The following KLHL3 variants were observed in gnomAD, a reference collection of about 807,000 sequenced individuals.
The protein encoded by KLHL3 is kelch like family member 3, also known as kelch-like protein 3.
KLHL3 carries 19 observed loss-of-function variants against 70.5 expected under a neutral mutation model. That is an observed-to-expected ratio of 0.27 (90% CI 0.19 to 0.40). The LOEUF is 0.40. KLHL3 is among the 10% of genes least tolerant of loss of function. KLHL3 has a pLI of 1.00. For missense variants in KLHL3, 512 were observed against 771.1 expected, an observed-to-expected ratio of 0.66 and a Z score of 3.98; for synonymous variants, 258 against 290.3, an observed-to-expected ratio of 0.89 and a Z score of 1.13.
intron 3 of KLHL3, among the ~76,000 whole-genome samples, chr5:137,702,790 C>G (rs1752597518): frequency 6.6e-6 from 1 of 152,094 alleles, no homozygotes; most frequent in African/African-American, 2.4e-5. Flanking sequence ...ATACGTAGAC[C>G]ATTAGGGCCT....
intron 5 of KLHL3, among the ~76,000 whole-genome samples, chr5:137,691,014 T>G (rs1752307886): frequency 6.6e-6 from 1 of 152,214 alleles, no homozygotes. Context: ...GCAATGAAGA[T>G]TTCTTTCCAG....
At chr5:137,690,695 G>A (rs1752298981) in intron 5 of KLHL3, among the ~76,000 whole-genome samples, 1 of 152,214 alleles carries the variant, frequency 6.6e-6, no homozygotes, top group Non-Finnish European at 1.5e-5. Context: ...CCTGGGGTCA[G>A]GGACTTAATC....
intron 12 of KLHL3, among the ~76,000 whole-genome samples, chr5:137,631,794 C>T (rs6861285): frequency 0.26 from 39,591 of 151,994 alleles, 5,420 homozygotes; most frequent in East Asian, 0.49. Context: ...GATATAAACA[C>T]CTTCATAGAA....
chr5:137,636,557 A>C (rs1299649665), intron 11 of KLHL3, among the ~76,000 whole-genome samples: 1 of 152,244 alleles, frequency 6.6e-6, no homozygotes, highest in Non-Finnish European at 1.5e-5. Context: ...CAGTGGAAAG[A>C]ACACCGGCTT....
At chr5:137,692,527 A>C in intron 4 of KLHL3, 80 bp from the exon 5 acceptor site, 1 of 1,352,216 alleles carries the variant, frequency 7.4e-7, no homozygotes, top group Non-Finnish European at 1.0e-6. Flanking sequence ...TATCACTCCC[A>C]TGCTCAAGAT....
chr5:137,706,497 A>G (rs1340487165), intron 3 of KLHL3: 2 of 450,540 alleles, frequency 4.4e-6, no homozygotes, highest in Non-Finnish European at 5.9e-6. Context: ...AATGCGGCAC[A>G]TGTCTCAAAA....
chr5:137,653,244 C>T (rs1205040411), intron 8 of KLHL3, among the ~76,000 whole-genome samples: 3 of 151,030 alleles, frequency 2.0e-5, no homozygotes, highest in Middle Eastern at 3.4e-3. Context: ...AGTAAGACTC[C>T]GTCTCAAAAA....
At chr5:137,720,172 C>A (rs1465011465) in intron 2 of KLHL3, among the ~76,000 whole-genome samples, 1 of 151,998 alleles carries the variant, frequency 6.6e-6, no homozygotes, top group African/African-American at 2.4e-5. Context: ...TGGTGGCATG[C>A]GCCTGTAATC....
In KLHL3 at chr5:137,709,808, T is replaced by A; in HGVS notation, c.183A>T (p.Ile61=). 6.2e-7 allele frequency: 1 copy of A among 1,614,172 alleles called. No individual in the cohort carries two copies. The highest frequency in any genetic ancestry group is 8.5e-7 in the Non-Finnish European group (1 of 1,180,030). The change falls in exon 3 of 15, where the codon ATA becomes ATT. Residue 61 remains isoleucine (I), a synonymous_variant. Coordinates refer to ENST00000309755, the MANE Select transcript of KLHL3 (RefSeq NM_017415.3). The stretch of plus-strand genomic sequence containing the variant: ...CTGCCAGGACCACACGGTGGGCTTC[T>A]ATCTCGACATCTTCTGCCACAATCA... The part of the protein sequence containing the change: ...DVMIVAEDVE[I]EAHRVVLAAC...
At chr5:137,719,205 TC>T (rs1319111711) in intron 2 of KLHL3, among the ~76,000 whole-genome samples, 1 of 152,264 alleles carries the variant, frequency 6.6e-6, no homozygotes, top group Admixed American at 6.5e-5. Flanking sequence ...GATGCATTCC[TC>T]CATCATAATA....
intron 6 of KLHL3, chr5:137,672,056 T>C (rs2905586): frequency 0.2 from 29,822 of 152,166 alleles, 3,176 homozygotes; most frequent in African/African-American, 0.27. Context: ...TGGGTAGTTA[T>C]TGAATTCCAC....
chr5:137,720,290 G>C (rs568668911), intron 2 of KLHL3, among the ~76,000 whole-genome samples, 175 bp downstream of exon 2: 32 of 150,160 alleles, frequency 2.1e-4, no homozygotes, highest in African/African-American at 7.9e-4. Context: ...GACAGAGCAA[G>C]ATTCCGTCTC....
At chr5:137,660,814 C>T (rs1658179397) in intron 7 of KLHL3, 1 of 152,058 alleles carries the variant, frequency 6.6e-6, no homozygotes, top group African/African-American at 2.4e-5. Context: ...ATTGTTTATC[C>T]CCAAACAATC....
At chr5:137,733,800 T>C (rs916982394) in intron 1 of KLHL3, among the ~76,000 whole-genome samples, 2 of 152,130 alleles carry the variant, frequency 1.3e-5, no homozygotes, top group African/African-American at 4.8e-5. Flanking sequence ...GAATTCTCAG[T>C]AGGTATATGA....
intron 4 of KLHL3, among the ~76,000 whole-genome samples, chr5:137,693,530 A>G (rs1318714178): frequency 6.6e-6 from 1 of 152,142 alleles, no homozygotes; most frequent in Non-Finnish European, 1.5e-5. Context: ...ACAAAAGGCC[A>G]AAGTCCTGTC....
chr5:137,657,915 C>T (rs1324474695), intron 8 of KLHL3, among the ~76,000 whole-genome samples: 1 of 152,176 alleles, frequency 6.6e-6, no homozygotes, highest in Non-Finnish European at 1.5e-5. Context: ...TCCCTGATGA[C>T]ATTGGAGGTT....
intron 2 of KLHL3, 42 bp downstream of exon 2, chr5:137,720,423 C>T (rs1208194170): frequency 1.2e-6 from 2 of 1,612,748 alleles, no homozygotes; most frequent in Admixed American, 1.7e-5. Context: ...AGCTCATGGA[C>T]AAGTTCCTTC....
At chr5:137,641,506 G>A (rs1384464856) in intron 8 of KLHL3, among the ~76,000 whole-genome samples, 1 of 152,066 alleles carries the variant, frequency 6.6e-6, no homozygotes, top group Non-Finnish European at 1.5e-5. Flanking sequence ...GATATGCCAT[G>A]AACAACTTTT....
intron 6 of KLHL3, among the ~76,000 whole-genome samples, chr5:137,668,438 C>A (rs1374173587): frequency 1.3e-5 from 2 of 152,054 alleles, no homozygotes; most frequent in African/African-American, 4.8e-5. Context: ...AAACCCTGGG[C>A]AGACTGTTGA....
Sources: gnomAD v4.1 joint callset for allele counts (sites outside exome capture counted in the v4.1 genomes callset) on GRCh38, gnomAD v4.1.1 for gene constraint, MANE v1.5 for transcripts, NCBI Gene and HGNC (gene_info 2026-07-23, HGNC 2026-07-21) for gene names.